FTO: variants seen among roughly 807,000 people sequenced by gnomAD.
FTO encodes FTO alpha-ketoglutarate dependent dioxygenase.
Under a neutral mutation model 63.9 loss-of-function variants are expected in FTO, and 47 were observed. The ratio of observed to expected loss-of-function variants is 0.74; its 90% confidence interval spans 0.58 to 0.94. The LOEUF is 0.94. FTO is among the 40% of genes least tolerant of loss of function. FTO has a pLI of 0.00. For missense variants in FTO, 562 were observed against 618.1 expected (o/e 0.91, Z 0.96); for synonymous variants, 207 against 224.4 (o/e 0.92, Z 0.69).
At chr16:54,111,088 A>AT (rs1467469638) in intron 8 of FTO, among the ~76,000 whole-genome samples, 1 of 152,222 alleles carries the variant, frequency 6.6e-6, no homozygotes, top group Non-Finnish European at 1.5e-5. Context: ...AATCCATTCA[A>AT]TAAAAACCGT....
chr16:53,939,459 C>T (rs995395522), intron 8 of FTO, among the ~76,000 whole-genome samples: 77 of 152,266 alleles, frequency 5.1e-4, no homozygotes, highest in African/African-American at 1.8e-3. Context: ...TCATATATAA[C>T]GTAAAATTGC....
intron 7 of FTO, among the ~76,000 whole-genome samples, chr16:53,900,826 C>A (rs1234553252): frequency 6.6e-6 from 1 of 152,026 alleles, no homozygotes; most frequent in African/African-American, 2.4e-5. Flanking sequence ...GCAGGGCCAT[C>A]GCAGTGGGAA....
chr16:53,984,213 T>C (rs2083611442), intron 8 of FTO, among the ~76,000 whole-genome samples: 1 of 152,062 alleles, frequency 6.6e-6, no homozygotes, highest in African/African-American at 2.4e-5. Flanking sequence ...GGAGTCAAGT[T>C]GCAGAAAAGT....
At chr16:54,020,738 G>A (rs1220986546) in intron 8 of FTO, among the ~76,000 whole-genome samples, 3 of 152,194 alleles carry the variant, frequency 2.0e-5, no homozygotes, top group African/African-American at 7.2e-5. Context: ...TTGAAAGGCT[G>A]AGGCAGGCGG....
chr16:54,002,069 G>C (rs1462354031), intron 8 of FTO, among the ~76,000 whole-genome samples: 1 of 152,208 alleles, frequency 6.6e-6, no homozygotes, highest in African/African-American at 2.4e-5. Flanking sequence ...GAGAAGATTT[G>C]GGAGAAGACA....
rs80081849 is a variant in FTO at position 53,939,718 on chromosome 16, G to C, written c.1364+5609G>C. Among the ~76,000 whole-genome samples the C allele has an allele frequency of 4.5e-3, 687 of 152,150 alleles. 28 individuals carry two copies. The East Asian group carries it at 0.1, about 23-fold the overall frequency. ...TCTTATAAATGAAATCATACAATAC[G>C]TGACCTTTTATGTCTGGCTTCTTTC... On this transcript the variant is annotated intron_variant, in intron 8 of 8. Coordinates refer to ENST00000471389, the MANE Select transcript of FTO (RefSeq NM_001080432.3).
chr16:53,844,335 A>G lies in FTO; in HGVS notation c.895+37A>G, dbSNP rs62033438. On this transcript the variant is annotated intron_variant, in intron 4 of 8. Transcript: ENST00000471389. ...AAAATCAAAATTATATTGAAACTCT[A>G]GTGTCTAAATTTAGATTATAGGATT... 0.38 allele frequency: 560,800 copies of G among 1,492,338 alleles called. 107,941 individuals carry two copies. Among genetic ancestry groups the G allele is most frequent in the East Asian group, 0.5 (22,160 of 44,116 alleles). 92.4% of individuals were successfully genotyped at this position (1,492,338 alleles called of 1,614,324 possible).
chr16:53,739,992 A>T (rs2076493514), intron 1 of FTO, among the ~76,000 whole-genome samples: 1 of 152,214 alleles, frequency 6.6e-6, no homozygotes, highest in African/African-American at 2.4e-5. Flanking sequence ...ACTGGAAGTC[A>T]CTTGTTTTAA....
chr16:53,837,138 A>G (rs949296085), intron 3 of FTO, among the ~76,000 whole-genome samples: 1 of 152,218 alleles, frequency 6.6e-6, no homozygotes, highest in African/African-American at 2.4e-5. Flanking sequence ...TTTACTTCAG[A>G]TAATATAGTG....
intron 1 of FTO, among the ~76,000 whole-genome samples, chr16:53,766,738 GCCTTAGAACT>G (rs2077213874): frequency 6.6e-6 from 1 of 152,160 alleles, no homozygotes; most frequent in Non-Finnish European, 1.5e-5. Flanking sequence ...ATGGGTTAAA[GCCTTAGAACT>G]CTTCTTTTCA....
At chr16:53,757,351 T>C (rs910920181) in intron 1 of FTO, among the ~76,000 whole-genome samples, 1 of 152,090 alleles carries the variant, frequency 6.6e-6, no homozygotes, top group Non-Finnish European at 1.5e-5. Flanking sequence ...GCTGATCATT[T>C]TGTGTTTTAA....
intron 3 of FTO, among the ~76,000 whole-genome samples, chr16:53,833,347 T>C (rs530206132): frequency 2.5e-4 from 38 of 152,372 alleles, no homozygotes; most frequent in African/African-American, 8.9e-4. Flanking sequence ...GTCCTCAAGA[T>C]TCATCCATGT....
intron 2 of FTO, among the ~76,000 whole-genome samples, chr16:53,819,912 A>C (rs2078807123): frequency 6.6e-6 from 1 of 152,090 alleles, no homozygotes; most frequent in Admixed American, 6.6e-5. Context: ...CATCTGCTTC[A>C]GTCTTTTAAA....
chr16:53,784,599 G>C (rs1184020014), intron 1 of FTO, among the ~76,000 whole-genome samples: 1 of 152,024 alleles, frequency 6.6e-6, no homozygotes, highest in South Asian at 2.1e-4. Flanking sequence ...TCCTACCAGC[G>C]AAAAAGAGAC....
At chr16:53,948,453 C>T (rs2082699309) in intron 8 of FTO, among the ~76,000 whole-genome samples, 1 of 152,184 alleles carries the variant, frequency 6.6e-6, no homozygotes, top group Admixed American at 6.5e-5. Flanking sequence ...GCAAAACACA[C>T]GTGTGTGTGT....
chr16:53,983,772 C>T (rs905851966), intron 8 of FTO, among the ~76,000 whole-genome samples: 2 of 152,168 alleles, frequency 1.3e-5, no homozygotes, highest in Non-Finnish European at 2.9e-5. Context: ...CAGCACTCTG[C>T]TCCCAGCCAG....
intron 8 of FTO, among the ~76,000 whole-genome samples, chr16:53,958,624 G>A (rs535828645): frequency 6.6e-4 from 100 of 152,334 alleles, no homozygotes; most frequent in African/African-American, 2.3e-3. Context: ...CTTAGGGGGT[G>A]TGACCTTGAG....
At chr16:53,780,954 G>A in intron 1 of FTO, among the ~76,000 whole-genome samples, 1 of 152,076 alleles carries the variant, frequency 6.6e-6, no homozygotes, top group East Asian at 1.9e-4. Flanking sequence ...TTAATGTAAT[G>A]TTATTAAAAT....
At chr16:53,812,314 A>C (rs1231065117) in intron 2 of FTO, among the ~76,000 whole-genome samples, 1 of 150,508 alleles carries the variant, frequency 6.6e-6, no homozygotes, top group Non-Finnish European at 1.5e-5. Flanking sequence ...TGTTGTGTGC[A>C]GGCTGGAGTG....
Sources: allele counts gnomAD v4.1 joint callset (sites outside exome capture counted in the v4.1 genomes callset), GRCh38; gene constraint gnomAD v4.1.1; transcripts MANE v1.5; gene names NCBI Gene and HGNC (gene_info 2026-07-23, HGNC 2026-07-21).